The following FSD1L variants were observed in gnomAD, a reference collection of about 807,000 sequenced individuals.
FSD1L encodes the protein fibronectin type III and SPRY domain containing 1 like.
Under a neutral mutation model 71.6 loss-of-function variants are expected in FSD1L, and 45 were observed. The observed-to-expected ratio is 0.63, with a 90% CI of 0.49 to 0.81. The LOEUF is 0.81. FSD1L is among the 30% of genes least tolerant of loss of function. The probability of loss-of-function intolerance (pLI) is 0.00; values close to 1 mark genes in which losing one functional copy is unlikely to be tolerated. For synonymous variants in FSD1L, 197 were observed against 207.2 expected, an observed-to-expected ratio of 0.95 and a Z score of 0.42; for missense variants, 561 against 618.1, an observed-to-expected ratio of 0.91 and a Z score of 0.98.
intron 10 of FSD1L, chr9:105,525,344 C>A: frequency 6.3e-7 from 1 of 1,593,026 alleles, no homozygotes. Flanking sequence ...TTACAGAGAA[C>A]TGGAATCTCA....
chr9:105,497,791 T>A (rs1381040170), intron 7 of FSD1L, among the ~76,000 whole-genome samples: 1 of 152,162 alleles, frequency 6.6e-6, no homozygotes, highest in Non-Finnish European at 1.5e-5. Context: ...GCTTTCAGGA[T>A]TTTTTTCCAT....
At chr9:105,520,204 C>G (rs1280549948) in intron 10 of FSD1L, 3 of 1,611,352 alleles carry the variant, frequency 1.9e-6, no homozygotes, top group Middle Eastern at 2.2e-4. Context: ...GACGCACTGA[C>G]TCGCCTCAAG....
At chr9:105,463,509 G>A (rs562252195) in intron 2 of FSD1L, among the ~76,000 whole-genome samples, 144 of 152,252 alleles carry the variant, frequency 9.5e-4, no homozygotes, top group African/African-American at 3.3e-3. Context: ...ATTAAATTTA[G>A]TTCCTCAGTT....
chr9:105,479,115 T>A (rs903729791), intron 5 of FSD1L, among the ~76,000 whole-genome samples: 8 of 152,216 alleles, frequency 5.3e-5, no homozygotes, highest in Non-Finnish European at 1.0e-4. Flanking sequence ...GTTCGAAGTG[T>A]TAAATTTTCC....
At chr9:105,492,085 C>T (rs891193668) in intron 7 of FSD1L, among the ~76,000 whole-genome samples, 21 of 151,974 alleles carry the variant, frequency 1.4e-4, no homozygotes, top group Non-Finnish European at 7.4e-5. Context: ...ACCAGTTCCT[C>T]CTTGTACCTC....
chr9:105,525,286 G>A, intron 10 of FSD1L: 1 of 1,607,874 alleles, frequency 6.2e-7, no homozygotes. Context: ...TGAAGAAGAT[G>A]CTCTTGATGA....
chr9:105,489,881 C>T (rs1223572948), intron 7 of FSD1L, among the ~76,000 whole-genome samples: 3 of 152,178 alleles, frequency 2.0e-5, no homozygotes, highest in African/African-American at 7.2e-5. Flanking sequence ...ATATGTGCTA[C>T]GTTTTCTTAA....
intron 7 of FSD1L, among the ~76,000 whole-genome samples, chr9:105,488,041 T>C (rs961654227): frequency 5.9e-5 from 9 of 152,152 alleles, no homozygotes; most frequent in Non-Finnish European, 1.0e-4. Flanking sequence ...CACTGAAAAG[T>C]CTATAGTTTA....
At chr9:105,533,416 C>CTTTTTTTTTTTTTTCTTTTTTTTTTTTTT (rs1836036761) in intron 10 of FSD1L, among the ~76,000 whole-genome samples, 1 of 29,070 alleles carries the variant, frequency 3.4e-5, no homozygotes, top group Non-Finnish European at 6.0e-5. Flanking sequence ...CCATTTCCAT[C>CTTTTTTTTTTTTTTCTTTTTTTTTTTTTT]TTTTTTTTTT....
At chr9:105,460,694 T>C (rs190704577) in intron 1 of FSD1L, among the ~76,000 whole-genome samples, 10 of 152,244 alleles carry the variant, frequency 6.6e-5, no homozygotes, top group African/African-American at 2.4e-4. Context: ...CTGATGATTC[T>C]TTGAATTTGT....
At chr9:105,513,424 CTCTT>C (rs1337994139) in intron 10 of FSD1L, among the ~76,000 whole-genome samples, 1 of 152,244 alleles carries the variant, frequency 6.6e-6, no homozygotes, top group East Asian at 1.9e-4. Flanking sequence ...ACATGGGATC[CTCTT>C]TCTTTTTTAA....
At chr9:105,542,311 G>A (rs1836677627) in intron 13 of FSD1L, among the ~76,000 whole-genome samples, 1 of 152,210 alleles carries the variant, frequency 6.6e-6, no homozygotes, top group Admixed American at 6.5e-5. Context: ...TAGGTGTGTA[G>A]TGGTATGTCA....
rs1472428227 is a variant in FSD1L, at chr9:105,468,341, A to G, written c.339+17A>G. ...GAGTTACAGGTGAGATCATACAGCT[A>G]TTGAAATATGGATAATTTTAGTCTA... On this transcript the variant is annotated intron_variant, in intron 4 of 13. Transcript: ENST00000481272. 3 of 1,469,202 alleles carry G rather than the reference A, an allele frequency of 2.0e-6. No individual in the cohort carries two copies. Among genetic ancestry groups the G allele is most frequent in the Non-Finnish European group, 2.7e-6 (3 of 1,116,948 alleles). 91.0% of individuals were successfully genotyped at this position (1,469,202 alleles called of 1,614,324 possible). A position where few individuals can be genotyped will look rare whatever the true frequency, so the allele number is the denominator to read the frequency against.
chr9:105,452,665 G>GCCTGCCTGCCTGCCTGCCTT (rs1830095598), intron 1 of FSD1L, among the ~76,000 whole-genome samples: 2 of 85,850 alleles, frequency 2.3e-5, no homozygotes, highest in African/African-American at 9.5e-5. Context: ...CTGCCTGCCT[G>GCCTGCCTGCCTGCCTGCCTT]CCTGCCTTCC....
At chr9:105,493,017 C>T (rs1444851090) in intron 7 of FSD1L, among the ~76,000 whole-genome samples, 2 of 152,090 alleles carry the variant, frequency 1.3e-5, no homozygotes, top group Admixed American at 6.5e-5. Context: ...CTATTAGGTC[C>T]ACTTGGTGCA....
At chr9:105,519,870 A>G (rs1257923790) in intron 10 of FSD1L, among the ~76,000 whole-genome samples, 2 of 152,078 alleles carry the variant, frequency 1.3e-5, no homozygotes, top group Admixed American at 6.5e-5. Flanking sequence ...GCCCGGGTCT[A>G]CCTCGCTCCG....
chr9:105,517,493 T>G (rs1489477650), intron 10 of FSD1L, among the ~76,000 whole-genome samples: 4 of 151,960 alleles, frequency 2.6e-5, no homozygotes, highest in Non-Finnish European at 5.9e-5. Flanking sequence ...CAGAAGAGAG[T>G]GGGGGCCAAT....
chr9:105,544,558 A>G (rs1375115143), intron 13 of FSD1L, among the ~76,000 whole-genome samples: 3 of 152,066 alleles, frequency 2.0e-5, no homozygotes, highest in African/African-American at 7.2e-5. Context: ...TTATGGTTTT[A>G]GGTCTAACAT....
chr9:105,450,802 G>T (rs755805278), intron 1 of FSD1L, among the ~76,000 whole-genome samples: 2 of 152,002 alleles, frequency 1.3e-5, no homozygotes, highest in Non-Finnish European at 2.9e-5. Context: ...CTCACAAAGC[G>T]CTGCGATTAC....
Sources: allele counts gnomAD v4.1 joint callset (sites outside exome capture counted in the v4.1 genomes callset), GRCh38; gene constraint gnomAD v4.1.1; transcripts MANE v1.5; gene names NCBI Gene and HGNC (gene_info 2026-07-23, HGNC 2026-07-21).